The following LAMA2 variants were observed in gnomAD, a reference collection of about 807,000 sequenced individuals.
The protein encoded by LAMA2 is laminin subunit alpha-2.
A neutral mutation model predicts 364.8 loss-of-function variants in LAMA2; 269 were observed. The observed-to-expected ratio is 0.74, with a 90% CI of 0.67 to 0.82. The LOEUF (loss-of-function observed/expected upper bound fraction) is 0.82. Among genes scored for constraint, LAMA2 ranks in the 40% least tolerant of loss-of-function variants. The pLI is 0.00. For missense variants in LAMA2, 3,807 were observed against 3,873.2 expected, an observed-to-expected ratio of 0.98 and a Z score of 0.45; for synonymous variants, 1,379 against 1,370.6, an observed-to-expected ratio of 1.01 and a Z score of -0.14.
intron 29 of LAMA2, among the ~76,000 whole-genome samples, chr6:129,335,554 T>C (rs1775911372): frequency 6.6e-6 from 1 of 152,144 alleles, no homozygotes; most frequent in South Asian, 2.1e-4. Flanking sequence ...CACTCTATCA[T>C]AATTCTTATT....
intron 12 of LAMA2, among the ~76,000 whole-genome samples, chr6:129,235,514 A>G (rs2068968): frequency 0.014 from 2,138 of 152,252 alleles, 39 homozygotes; most frequent in African/African-American, 0.048. Context: ...AGTATGAGAA[A>G]GTGTGTGTTT....
chr6:129,349,176 A>T, intron 30 of LAMA2, 122 bp from the exon 31 acceptor site: 1 of 734,728 alleles, frequency 1.4e-6, no homozygotes, highest in Non-Finnish European at 2.4e-6. Context: ...AGCAATAATT[A>T]TAAAGATGGC....
At chr6:129,433,885 T>G (rs1345118313) in intron 41 of LAMA2, among the ~76,000 whole-genome samples, 1 of 152,174 alleles carries the variant, frequency 6.6e-6, no homozygotes, top group Non-Finnish European at 1.5e-5. Flanking sequence ...CTATGGTAAA[T>G]CCAGCACTTT....
intron 12 of LAMA2, among the ~76,000 whole-genome samples, chr6:129,204,831 TA>T (rs1449035271): frequency 6.6e-6 from 1 of 152,110 alleles, no homozygotes; most frequent in Non-Finnish European, 1.5e-5. Context: ...ATAAAGAAGT[TA>T]AAGAAATTGA....
chr6:129,186,181 TG>T (rs1781219411), intron 10 of LAMA2, among the ~76,000 whole-genome samples: 1 of 151,682 alleles, frequency 6.6e-6, no homozygotes, highest in Non-Finnish European at 1.5e-5. Context: ...ATTATGTTTT[TG>T]CAACCATTGA....
At chr6:129,268,243 A>G (rs1000906221) in intron 16 of LAMA2, among the ~76,000 whole-genome samples, 6 of 152,050 alleles carry the variant, frequency 3.9e-5, no homozygotes, top group African/African-American at 1.4e-4. Flanking sequence ...TGAGAGCCTT[A>G]ATTTGTGGAT....
At chr6:129,295,090 C>G (rs1004071784) in intron 20 of LAMA2, among the ~76,000 whole-genome samples, 2 of 152,116 alleles carry the variant, frequency 1.3e-5, no homozygotes, top group African/African-American at 4.8e-5. Context: ...AGCTCAGACT[C>G]TGGAGCCAAC....
In LAMA2 at chr6:129,129,472, A is replaced by G. The variant is rs138345391; in HGVS notation, c.640-14429A>G. ...TTGAGGATGATGTTTATGCCATAAGAGAATCATTTCCTCTCTTTTTATCAG... is the reference window on the plus strand; with the variant it reads ...TTGAGGATGATGTTTATGCCATAAGGGAATCATTTCCTCTCTTTTTATCAG... On this transcript the variant is annotated intron_variant, in intron 4 of 64. Coordinates refer to ENST00000421865, the MANE Select transcript of LAMA2 (RefSeq NM_000426.4). Among the ~76,000 whole-genome samples the G allele has an allele frequency of 3.2e-3, 489 of 152,336 alleles. 2 individuals are homozygous for G. The highest frequency in any genetic ancestry group is 0.011 in the African/African-American group (467 of 41,580).
chr6:129,339,675 C>T (rs2114561401), intron 29 of LAMA2, among the ~76,000 whole-genome samples: 1 of 152,176 alleles, frequency 6.6e-6, no homozygotes, highest in Non-Finnish European at 1.5e-5. Flanking sequence ...CGAGTAGCCG[C>T]AGAAGTAGGA....
At chr6:128,980,871 G>T (rs1241624518) in intron 1 of LAMA2, among the ~76,000 whole-genome samples, 4 of 151,936 alleles carry the variant, frequency 2.6e-5, no homozygotes, top group Non-Finnish European at 5.9e-5. Context: ...CAATACTAAT[G>T]AAAATAAACC....
rs144828993 is a variant in LAMA2, at chr6:129,515,362, C to T, written c.9211+767C>T. On this transcript the variant is annotated intron_variant, in intron 64 of 64. Coordinates refer to ENST00000421865, the MANE Select transcript of LAMA2 (RefSeq NM_000426.4). ...TGATAGAAATGCAATGGGGGCCCAA[C>T]GACAGCTCCTCTTTCCAAAGTGGCT... 1.4e-3 allele frequency among the ~76,000 whole-genome samples: 211 copies of T among 152,320 alleles called. 1 individual carries two copies. The highest frequency in any genetic ancestry group is 4.9e-3 in the African/African-American group (205 of 41,570).
At chr6:129,489,828 T>C (rs756462818) in intron 56 of LAMA2, among the ~76,000 whole-genome samples, 2 of 151,984 alleles carry the variant, frequency 1.3e-5, no homozygotes, top group African/African-American at 2.4e-5. Context: ...CCAACTGATA[T>C]GGTTTTAAAA....
At chr6:129,079,483 AT>A (rs1174668518) in intron 3 of LAMA2, among the ~76,000 whole-genome samples, 1 of 151,094 alleles carries the variant, frequency 6.6e-6, no homozygotes, top group Non-Finnish European at 1.5e-5. Flanking sequence ...TGGCTGCACC[AT>A]TTTACATTCC....
chr6:129,311,464 A>G (rs559992670), intron 22 of LAMA2, among the ~76,000 whole-genome samples: 1 of 152,302 alleles, frequency 6.6e-6, no homozygotes, highest in Admixed American at 6.5e-5. Context: ...GTGGGCCGCC[A>G]TTATGGACTT....
intron 1 of LAMA2, among the ~76,000 whole-genome samples, chr6:129,021,012 A>G (rs926543749): frequency 6.6e-6 from 1 of 152,238 alleles, no homozygotes; most frequent in Admixed American, 6.5e-5. Context: ...ATATAATCAC[A>G]TTTTATGAAT....
intron 27 of LAMA2, among the ~76,000 whole-genome samples, chr6:129,318,414 G>GA (rs982611127): frequency 1.2e-3 from 171 of 148,476 alleles, no homozygotes; most frequent in Middle Eastern, 3.4e-3. Flanking sequence ...CTAATCCCCT[G>GA]AAAAAAAAAA....
intron 32 of LAMA2, among the ~76,000 whole-genome samples, chr6:129,356,208 A>G (rs1777144856): frequency 6.6e-6 from 1 of 152,090 alleles, no homozygotes; most frequent in Non-Finnish European, 1.5e-5. Flanking sequence ...ATGTATACAA[A>G]TAATCTGTGT....
chr6:129,088,504 G>T (rs1774548604), intron 3 of LAMA2, among the ~76,000 whole-genome samples: 1 of 150,712 alleles, frequency 6.6e-6, no homozygotes, highest in African/African-American at 2.4e-5. Flanking sequence ...CTCCCAGACG[G>T]GGTGGCTGGC....
rs1179993404 is a variant in LAMA2, at chr6:129,192,761, C to G, written c.1690C>G (p.Pro564Ala). 6.2e-7 allele frequency: 1 copy of G among 1,614,176 alleles called. No individual in the cohort carries two copies. Among genetic ancestry groups the G allele is most frequent in the Non-Finnish European group, 8.5e-7 (1 of 1,180,020 alleles). Reference sequence around the variant, plus strand: ...TCCCCAGCAGGACGACTTGGACTCACCTCAGCAGATCAGCATCAGTAACGC... The same window carrying G: ...TCCCCAGCAGGACGACTTGGACTCAGCTCAGCAGATCAGCATCAGTAACGC... ...VAPQQDDLDSPQQISISNAEA... is the reference protein window; with the variant it reads ...VAPQQDDLDSAQQISISNAEA... The change falls in exon 12 of 65, where the codon CCT becomes GCT. Residue 564 changes from proline to alanine, a missense_variant. Physicochemically the swap from Pro to Ala is conservative, Grantham distance 27. Around this residue, in one of 3 missense-constraint regions of LAMA2, gnomAD observed 3,333 missense variants for 3,345.7 expected, o/e 1.00. Coordinates refer to ENST00000421865, the MANE Select transcript of LAMA2 (RefSeq NM_000426.4).
Sources: allele counts gnomAD v4.1 joint callset (sites outside exome capture counted in the v4.1 genomes callset), GRCh38; gene constraint gnomAD v4.1.1; regional missense constraint gnomAD v4.1.1; transcripts MANE v1.5; gene names NCBI Gene and HGNC (gene_info 2026-07-23, HGNC 2026-07-21).